The following ZBTB21 variants were observed in gnomAD, a reference collection of about 807,000 sequenced individuals.
ZBTB21 encodes zinc finger and BTB domain containing 21.
A neutral mutation model predicts 39.8 loss-of-function variants in ZBTB21; 10 were observed. That is an observed-to-expected ratio of 0.25 (90% CI 0.16 to 0.43). The LOEUF (loss-of-function observed/expected upper bound fraction) is 0.43. Among genes scored for constraint, ZBTB21 ranks in the 20% least tolerant of loss-of-function variants. ZBTB21 has a pLI of 1.00. For synonymous variants in ZBTB21, 551 were observed against 498.8 expected (o/e 1.10, Z -1.40); for missense variants, 1,221 against 1,296.3 (o/e 0.94, Z 0.89).
chr21:41,994,207 A>C, intron 2 of ZBTB21, 99 bp from the exon 3 acceptor site: 1 of 1,021,416 alleles, frequency 9.8e-7, no homozygotes, highest in Non-Finnish European at 1.4e-6. Context: ...ATAGGTACCA[A>C]TATTTAGCAG....
chr21:42,008,106 T>C (rs1307827699), intron 1 of ZBTB21: 2 of 152,096 alleles, frequency 1.3e-5, no homozygotes, highest in Non-Finnish European at 2.9e-5. Flanking sequence ...GACCCTAAAA[T>C]TTCTTCTCTT....
Position 41,993,986 on chromosome 21 carries a change from C to G in ZBTB21, c.110G>C (p.Gly37Ala), listed in dbSNP as rs1290256551. 2 of 1,614,232 alleles carry G rather than the reference C, an allele frequency of 1.2e-6. No individual in the cohort carries two copies. Among genetic ancestry groups the G allele is most frequent in the Non-Finnish European group, 1.7e-6 (2 of 1,180,034 alleles). The change falls in exon 3 of 3, where the codon GGA becomes GCA. Residue 37 changes from glycine to alanine, a missense_variant. By Grantham distance (60) the Gly-to-Ala change is moderately conservative. This residue lies in a region of ZBTB21 where 108 missense variants were observed against 155.0 expected (regional missense o/e 0.70). Transcript: ENST00000310826. Reference protein sequence around the residue: ...GQLCDVLLIVGDQKFRAHKNV... With the variant: ...GQLCDVLLIVADQKFRAHKNV... ...TTTATGAGCTCGGAACTTTTGGTCT[C>G]CAACAATCAGCAGCACATCACACAG...
chr21:42,007,565 A>G (rs1345218377), intron 1 of ZBTB21, among the ~76,000 whole-genome samples: 3 of 151,936 alleles, frequency 2.0e-5, no homozygotes, highest in Non-Finnish European at 4.4e-5. Flanking sequence ...CACCGACTCT[A>G]CAAAGCTTTT....
Position 41,992,023 on chromosome 21 carries a change from C to T in ZBTB21, c.2073G>A (p.Met691Ile), listed in dbSNP as rs189444051. 1 of 1,614,206 alleles carries T rather than the reference C, an allele frequency of 6.2e-7. No individual in the cohort carries two copies. The highest frequency in any genetic ancestry group is 1.3e-5 in the African/African-American group (1 of 75,046). Reference protein sequence around the residue: ...FLSQFKQHIKMHPGEKPLGVN... With the variant: ...FLSQFKQHIKIHPGEKPLGVN... ...CTCCAAGGGGTTTTTCTCCTGGATG[C>T]ATTTTTATATGCTGCTTAAATTGAG... is the stretch of plus-strand genomic sequence containing the variant. The change falls in exon 3 of 3, where the codon ATG becomes ATA. Residue 691 changes from methionine to isoleucine, a missense_variant. Physicochemically the swap from Met to Ile is conservative, Grantham distance 10. Coordinates refer to ENST00000310826, the MANE Select transcript of ZBTB21 (RefSeq NM_001098402.2). The surrounding 1 kb of genome is among the most constrained non-coding windows in gnomAD (Gnocchi z 4.1).
At chr21:41,999,324 T>C (rs1406082125) in intron 2 of ZBTB21, among the ~76,000 whole-genome samples, 2 of 152,190 alleles carry the variant, frequency 1.3e-5, no homozygotes, top group Non-Finnish European at 2.9e-5. Flanking sequence ...GTAGAAAATA[T>C]CAGAATGCAT....
At position 42,002,121 on chromosome 21, in the gene ZBTB21, CCA is replaced by C. The variant is rs2065824837; in HGVS notation, c.-14+774_-14+775del. On this transcript the variant is annotated intron_variant, in intron 2 of 2. Coordinates refer to ENST00000310826, the MANE Select transcript of ZBTB21 (RefSeq NM_001098402.2). ...AGGAAAGCAACATTGTCCATTCTCCCCAGTACCCCAGGATCTAGAGACTCTAG... is the reference window on the plus strand; with the variant it reads ...AGGAAAGCAACATTGTCCATTCTCCCGTACCCCAGGATCTAGAGACTCTAG... Among the ~76,000 whole-genome samples, 13 of 152,270 alleles carry C rather than the reference CCA, an allele frequency of 8.5e-5. 1 individual carries two copies. The South Asian group carries it at 2.7e-3, about 32-fold the overall frequency.
At chr21:42,001,515 T>A (rs1298960899) in intron 2 of ZBTB21, among the ~76,000 whole-genome samples, 1 of 152,170 alleles carries the variant, frequency 6.6e-6, no homozygotes, top group African/African-American at 2.4e-5. Context: ...GCAGACAGGA[T>A]GTTTGCAGAG....
In ZBTB21 at chr21:41,992,861, G is replaced by A. The variant is rs757909132; in HGVS notation, c.1235C>T (p.Ala412Val). 1 of 1,614,204 alleles carries A rather than the reference G, an allele frequency of 6.2e-7. No homozygotes were observed. The highest frequency in any genetic ancestry group is 2.2e-5 in the East Asian group (1 of 44,886). ...TCCCTCCCTGTCTGTTGACTGAGAA[G>A]CACTAAAGGACCTGAGGCGATGCGG... ...LQPHRLRSFS[A>V]SQSTDREGAS... The change falls in exon 3 of 3, where the codon GCT becomes GTT. Residue 412 changes from alanine (A) to valine (V), a missense_variant. Around this residue, in one of 4 missense-constraint regions of ZBTB21, gnomAD observed 500 missense variants for 465.6 expected, o/e 1.07. Transcript: ENST00000310826. The surrounding 1 kb of genome is among the most constrained non-coding windows in gnomAD (Gnocchi z 4.1).
In ZBTB21 at chr21:41,993,262, A is replaced by G. The variant is rs764083297; in HGVS notation, c.834T>C (p.Pro278=). ...CTGATGAGCTACAAACAGACAAAAC[A>G]GGTGGCCGTGGTCTCTTCAAAGCCA... The part of the protein sequence containing the change: ...LELALKRPRP[P]VLSVCSSSET... The change falls in exon 3 of 3, where the codon CCT becomes CCC. Residue 278 remains proline, a synonymous_variant. Coordinates refer to ENST00000310826, the MANE Select transcript of ZBTB21 (RefSeq NM_001098402.2). 1.2e-6 allele frequency: 2 copies of G among 1,612,080 alleles called. No individual in the cohort carries two copies. The highest frequency in any genetic ancestry group is 1.7e-6 in the Non-Finnish European group (2 of 1,180,028).
At chr21:42,001,534 G>A (rs1158886388) in intron 2 of ZBTB21, among the ~76,000 whole-genome samples, 3 of 152,224 alleles carry the variant, frequency 2.0e-5, no homozygotes, top group East Asian at 3.8e-4. Context: ...AGGTAGAGAC[G>A]CAGTATAGAT....
intron 2 of ZBTB21, among the ~76,000 whole-genome samples, chr21:41,999,448 T>C: frequency 6.6e-6 from 1 of 152,214 alleles, no homozygotes. Context: ...TATTCCTTCC[T>C]GTGGGTCAGT....
At position 41,990,051 on chromosome 21, in the gene ZBTB21, G is replaced by C. The variant is rs868206418; in HGVS notation, c.*844C>G. 6.6e-6 allele frequency: 1 copy of C among 152,162 alleles called. No individual in the cohort carries two copies. The highest frequency in any genetic ancestry group is 1.5e-5 in the Non-Finnish European group (1 of 68,012). 9.4% of individuals were successfully genotyped at this position (152,162 alleles called of 1,614,324 possible). A position where few individuals can be genotyped will look rare whatever the true frequency, so the allele number is the denominator to read the frequency against. The stretch of plus-strand genomic sequence containing the variant: ...TTTCAATTTGTGACAGCATAAATCA[G>C]AGGAAATGAAATATGTGCAGTCCTT... On this transcript the variant is annotated 3_prime_UTR_variant, in exon 3 of 3. Coordinates refer to ENST00000310826, the MANE Select transcript of ZBTB21 (RefSeq NM_001098402.2).
rs773821830 is a variant in ZBTB21 at position 41,991,548 on chromosome 21, A to G, written c.2548T>C (p.Ser850Pro). The G allele has an allele frequency of 6.2e-7, 1 of 1,614,216 alleles. No individual in the cohort carries two copies. The highest frequency in any genetic ancestry group is 2.2e-5 in the East Asian group (1 of 44,878). The change falls in exon 3 of 3, where the codon TCT becomes CCT. Residue 850 changes from serine to proline, a missense_variant. Physicochemically the swap from Ser to Pro is moderately conservative, Grantham distance 74 (BLOSUM62 -1). Around this residue, in one of 4 missense-constraint regions of ZBTB21, gnomAD observed 523 missense variants for 542.5 expected, o/e 0.96. Coordinates refer to ENST00000310826, the MANE Select transcript of ZBTB21 (RefSeq NM_001098402.2). The surrounding 1 kb of genome is among the most constrained non-coding windows in gnomAD (Gnocchi z 4.9). ...GAGTCGAAGTTAACTTGTTCTGAAG[A>G]ATCACTGAACACGTTGTCGTCTTTT... is the stretch of plus-strand genomic sequence containing the variant. ...TTKDDNVFSD[S>P]SEQVNFDSED...
Position 41,991,042 on chromosome 21 carries a change from C to G in ZBTB21, c.3054G>C (p.Leu1018=), listed in dbSNP as rs765553969. Residue 1018 remains leucine, a synonymous_variant, in exon 3 of 3, where the codon CTG becomes CTC. Transcript: ENST00000310826. The surrounding 1 kb of genome is among the most constrained non-coding windows in gnomAD (Gnocchi z 4.9). ...GGGTGTCTGATTCTTGGGGCACAAA[C>G]AGTTTTTCTGTGGCTGGAGTTGGGT... ...SENPTPATEK[L]FVPQESDTLF... is the part of the protein sequence containing the mutation. 3 of 1,586,058 alleles carry G rather than the reference C, an allele frequency of 1.9e-6. No homozygotes were observed. The South Asian group carries it at 3.5e-5, about 18-fold the overall frequency.
Position 41,993,766 on chromosome 21 carries a change from C to T in ZBTB21, c.330G>A (p.Gly110=). 6.2e-7 allele frequency: 1 copy of T among 1,614,196 alleles called. No homozygotes were observed. The highest frequency in any genetic ancestry group is 2.2e-5 in the East Asian group (1 of 44,892). Residue 110 remains glycine (G), a synonymous_variant, in exon 3 of 3, where the codon GGG becomes GGA. Coordinates refer to ENST00000310826, the MANE Select transcript of ZBTB21 (RefSeq NM_001098402.2). ...AAVQELGYSL[G]ISFLTNIVSK... ...AAACGATGTTAGTCAGAAAGGAAATCCCAAGACTATAGCCAAGTTCTTGCA... is the reference window on the plus strand; with the variant it reads ...AAACGATGTTAGTCAGAAAGGAAATTCCAAGACTATAGCCAAGTTCTTGCA...
chr21:41,999,971 T>C (rs117565326), intron 2 of ZBTB21, among the ~76,000 whole-genome samples: 319 of 152,280 alleles, frequency 2.1e-3, no homozygotes, highest in Non-Finnish European at 3.4e-3. Flanking sequence ...GGCTCTGTTG[T>C]TGAGATTAGA....
chr21:41,994,451 G>C (rs1191336869), intron 2 of ZBTB21, among the ~76,000 whole-genome samples: 1 of 152,110 alleles, frequency 6.6e-6, no homozygotes, highest in African/African-American at 2.4e-5. Context: ...TTGATGCTTG[G>C]CACTATTCCT....
rs1405343124 is a variant in ZBTB21 at position 41,989,751 on chromosome 21, C to G, written c.*1144G>C. The G allele has an allele frequency of 6.6e-6, 1 of 152,164 alleles. No individual in the cohort carries two copies. The highest frequency in any genetic ancestry group is 1.5e-5 in the Non-Finnish European group (1 of 67,994). 9.4% of individuals were successfully genotyped at this position (152,164 alleles called of 1,614,324 possible). A position where few individuals can be genotyped will look rare whatever the true frequency, so the allele number is the denominator to read the frequency against. On this transcript the variant is annotated 3_prime_UTR_variant, in exon 3 of 3. Transcript: ENST00000310826. ...ATGATTTTAACCATCAGACCCCCAA[C>G]AAATTCTAACAGAAATTGTCACAAG...
intron 1 of ZBTB21, among the ~76,000 whole-genome samples, chr21:42,004,787 A>C (rs1407389334): frequency 6.6e-6 from 1 of 152,250 alleles, no homozygotes; most frequent in Non-Finnish European, 1.5e-5. Flanking sequence ...TTAAAAAAAC[A>C]AAGCATCTAC....
Sources: allele counts gnomAD v4.1 joint callset (sites outside exome capture counted in the v4.1 genomes callset), GRCh38; gene constraint gnomAD v4.1.1; regional missense constraint gnomAD v4.1.1; non-coding constraint Gnocchi (gnomAD v3.1); transcripts MANE v1.5; gene names NCBI Gene and HGNC (gene_info 2026-07-23, HGNC 2026-07-21).